LUC7L: variants seen among roughly 807,000 people sequenced by gnomAD.
The protein encoded by LUC7L is putative RNA-binding protein Luc7-like 1.
Under a neutral mutation model 51.1 loss-of-function variants are expected in LUC7L, and 29 were observed. The observed-to-expected ratio is 0.57, with a 90% CI of 0.42 to 0.77. LUC7L has a LOEUF of 0.77. Ranked by LOEUF, LUC7L falls within the 30% of genes least tolerant of loss-of-function variation. The pLI is 0.00. For missense variants in LUC7L, 403 were observed against 511.9 expected (o/e 0.79, Z 2.05); for synonymous variants, 181 against 180.7 (o/e 1.00, Z -0.01).
At chr16:198,849 G>T (rs528308659) in intron 6 of LUC7L, among the ~76,000 whole-genome samples, 1 of 152,034 alleles carries the variant, frequency 6.6e-6, no homozygotes, top group South Asian at 2.1e-4. Flanking sequence ...AACACACCTG[G>T]CTAATTTTTC....
rs1596656795 is a variant in LUC7L at position 215,280 on chromosome 16, G to A, written c.255+5369C>T. Among the ~76,000 whole-genome samples, 3 of 152,186 alleles carry A rather than the reference G, an allele frequency of 2.0e-5. No homozygotes were observed. The South Asian group carries it at 6.2e-4, about 32-fold the overall frequency. The stretch of plus-strand genomic sequence containing the variant: ...AGGCGGGCAGATCACAAGGTCAGGA[G>A]CTTGAGACCATCCTCGCTAACATGG... On this transcript the variant is annotated intron_variant, in intron 3 of 9. Coordinates refer to ENST00000293872, the MANE Select transcript of LUC7L (RefSeq NM_201412.3).
At position 189,186 on chromosome 16, in the gene LUC7L, C is replaced by G; in HGVS notation, c.*12G>C. 2 of 1,609,942 alleles carry G rather than the reference C, an allele frequency of 1.2e-6. No individual in the cohort carries two copies. The highest frequency in any genetic ancestry group is 1.7e-6 in the Non-Finnish European group (2 of 1,177,470). ...CGTTTATCAGACTATTTACAGCACC[C>G]GGGAGACGGGTTCAGATCTCGCCGG... On this transcript the variant is annotated 3_prime_UTR_variant, in exon 10 of 10. Coordinates refer to ENST00000293872, the MANE Select transcript of LUC7L (RefSeq NM_201412.3).
chr16:196,634 T>C (rs1249692609), intron 6 of LUC7L, among the ~76,000 whole-genome samples: 1 of 151,520 alleles, frequency 6.6e-6, no homozygotes, highest in Admixed American at 6.6e-5. Context: ...TTCAAGCGAT[T>C]CTCCTGCCTC....
At position 220,691 on chromosome 16, in the gene LUC7L, A is replaced by T. The variant is rs779654304; in HGVS notation, c.213T>A (p.Tyr71Ter). Reference protein sequence around the residue: ...KIHDLALRADYEIASKERDLF... With the variant: ...KIHDLALRAD ...GGTCTCTTTCTTTACTTGCAATCTC[A>T]TAATCTGCTCGGAGGGCCAAGTCGT... Residue 71 changes from tyrosine to a stop codon, truncating the protein, a stop_gained, in exon 3 of 10, where the codon TAT becomes TAA. Coordinates refer to ENST00000293872, the MANE Select transcript of LUC7L (RefSeq NM_201412.3). LOFTEE classifies it high-confidence loss of function. 6.2e-7 allele frequency: 1 copy of T among 1,612,492 alleles called. No homozygotes were observed. Among genetic ancestry groups the T allele is most frequent in the Admixed American group, 1.7e-5 (1 of 60,002 alleles).
intron 2 of LUC7L, among the ~76,000 whole-genome samples, chr16:226,300 T>C (rs1013170307): frequency 2.0e-5 from 3 of 152,190 alleles, no homozygotes; most frequent in Non-Finnish European, 4.4e-5. Context: ...ATCCTTAAAA[T>C]GAGAGGATAG....
chr16:209,489 C>CA (rs5815040), intron 3 of LUC7L: 68,562 of 115,310 alleles, frequency 0.59, 19,543 homozygotes, highest in East Asian at 0.7. Context: ...GATTCCATCT[C>CA]AAAAAAAAAA....
chr16:193,721 C>T, intron 6 of LUC7L, among the ~76,000 whole-genome samples: 1 of 151,348 alleles, frequency 6.6e-6, no homozygotes, highest in East Asian at 2.0e-4. Context: ...TCGCAAACTC[C>T]TAACCTTGTG....
chr16:189,426 G>A (rs911028983), intron 9 of LUC7L, 87 bp from the exon 10 acceptor site: 2 of 1,479,370 alleles, frequency 1.4e-6, no homozygotes, highest in East Asian at 2.4e-5. Flanking sequence ...CCGCAGACCA[G>A]GCCAGGCAAG....
intron 3 of LUC7L, chr16:208,593 G>A: frequency 9.9e-7 from 1 of 1,009,830 alleles, no homozygotes. Context: ...TGCATATGAT[G>A]TACTCACTGG....
At chr16:208,820 G>A (rs1451618870) in intron 3 of LUC7L, 7 of 156,316 alleles carry the variant, frequency 4.5e-5, no homozygotes, top group Admixed American at 2.6e-4. Flanking sequence ...TCTGAAAAGG[G>A]TGGTGGGAAA....
In LUC7L at chr16:206,158, AAAG is replaced by A; in HGVS notation, c.367-14_367-12del. ...ATGTACTTTTTCTGCCTGTGAGGAG[AAAG>A]AATGAGGTAAGCAGACATCTGAAAA... On this transcript the variant is annotated splice_polypyrimidine_tract_variant and intron_variant, in intron 4 of 9. Coordinates refer to ENST00000293872, the MANE Select transcript of LUC7L (RefSeq NM_201412.3). 6.2e-7 allele frequency: 1 copy of A among 1,611,570 alleles called. No individual in the cohort carries two copies. The highest frequency in any genetic ancestry group is 8.5e-7 in the Non-Finnish European group (1 of 1,179,430).
chr16:219,970 A>G (rs752397782), intron 3 of LUC7L, among the ~76,000 whole-genome samples: 2 of 152,162 alleles, frequency 1.3e-5, no homozygotes, highest in Non-Finnish European at 1.5e-5. Context: ...TTTTACAACC[A>G]CTAAACTGCA....
intron 1 of LUC7L, chr16:227,571 C>G (rs969641734): frequency 7.5e-7 from 1 of 1,338,040 alleles, no homozygotes; most frequent in Non-Finnish European, 9.6e-7. Context: ...CATCACTGTA[C>G]CAAAGAAGTC....
At chr16:195,702 C>T (rs1253950369) in intron 6 of LUC7L, among the ~76,000 whole-genome samples, 3 of 152,098 alleles carry the variant, frequency 2.0e-5, no homozygotes, top group African/African-American at 4.8e-5. Context: ...GAATTACAGG[C>T]GTGAGCCACC....
At chr16:198,468 T>C (rs964068767) in intron 6 of LUC7L, among the ~76,000 whole-genome samples, 2 of 151,952 alleles carry the variant, frequency 1.3e-5, no homozygotes, top group Non-Finnish European at 2.9e-5. Context: ...AACCAGAGAT[T>C]CTTTCTCATC....
Position 190,157 on chromosome 16 carries a change from A to G in LUC7L, c.807-22T>C, listed in dbSNP as rs761005661. On this transcript the variant is annotated intron_variant, in intron 8 of 9. Transcript: ENST00000293872. ...TGACCTGAACAATCAGAAGGCTCCAAGGCTGAGACTCTATAGGTGCCAACA... is the reference window on the plus strand; with the variant it reads ...TGACCTGAACAATCAGAAGGCTCCAGGGCTGAGACTCTATAGGTGCCAACA... 4.4e-6 allele frequency: 7 copies of G among 1,599,748 alleles called. No individual in the cohort carries two copies. The East Asian group carries it at 1.6e-4, about 36-fold the overall frequency.
chr16:211,260 A>C (rs1322882370), intron 3 of LUC7L, among the ~76,000 whole-genome samples: 2 of 152,200 alleles, frequency 1.3e-5, no homozygotes, highest in African/African-American at 4.8e-5. Context: ...TAGACGTCTA[A>C]TTGCTTACTC....
At chr16:199,563 G>A (rs770806347) in intron 5 of LUC7L, among the ~76,000 whole-genome samples, 9 of 151,342 alleles carry the variant, frequency 5.9e-5, no homozygotes, top group Non-Finnish European at 7.4e-5. Context: ...CCTGAGGTCC[G>A]GAGTTCAAGA....
intron 5 of LUC7L, among the ~76,000 whole-genome samples, chr16:203,475 G>A (rs1439581190): frequency 1.3e-5 from 2 of 152,128 alleles, no homozygotes; most frequent in Non-Finnish European, 2.9e-5. Context: ...GGGAAGCAGA[G>A]CTAGGCAGAT....
Sources: gnomAD v4.1 joint callset for allele counts (sites outside exome capture counted in the v4.1 genomes callset) on GRCh38, gnomAD v4.1.1 for gene constraint, MANE v1.5 for transcripts, NCBI Gene and HGNC (gene_info 2026-07-23, HGNC 2026-07-21) for gene names.